Variants in H2BC8 observed in about 807,000 individuals in gnomAD.
The protein encoded by H2BC8 is histone H2B type 1-C/E/F/G/I.
A neutral mutation model predicts 6.3 loss-of-function variants in H2BC8; 11 were observed. That is an observed-to-expected ratio of 1.75 (90% CI 1.10 to 2.89). H2BC8 has a LOEUF of 2.89. Ranked by LOEUF, H2BC8 falls within the 30% of genes most tolerant of loss-of-function variation. The pLI is 0.00. For missense variants in H2BC8, 195 were observed against 165.2 expected (o/e 1.18, Z -0.99); for synonymous variants, 150 against 65.8 (o/e 2.28, Z -6.19).
chr6:26,216,670 A>G lies in H2BC8; in HGVS notation c.-27T>C, dbSNP rs764531428. ...CTGTCAGAAAACAATAACAGCAGTG[A>G]GAATGAACGCACTTAAATAAAAGCT... is the stretch of plus-strand genomic sequence containing the variant. On this transcript the variant is annotated 5_prime_UTR_variant, in exon 1 of 1. Coordinates refer to ENST00000541790, the MANE Select transcript of H2BC8 (RefSeq NM_003518.4). 8 of 1,592,018 alleles carry G rather than the reference A, an allele frequency of 5.0e-6. No homozygotes were observed. The highest frequency in any genetic ancestry group is 6.8e-6 in the Non-Finnish European group (8 of 1,171,378).
Position 26,216,658 on chromosome 6 carries a change from A to G in H2BC8, c.-15T>C, listed in dbSNP as rs777556249. ...GGTTCAGGCATGCTGTCAGAAAACA[A>G]TAACAGCAGTGAGAATGAACGCACT... On this transcript the variant is annotated 5_prime_UTR_variant, in exon 1 of 1. Transcript: ENST00000541790. 55 of 1,602,492 alleles carry G rather than the reference A, an allele frequency of 3.4e-5. No individual in the cohort carries two copies. Among genetic ancestry groups the G allele is most frequent in the Non-Finnish European group, 4.3e-5 (51 of 1,175,538 alleles).
Position 26,216,614 on chromosome 6 carries a change from A to T in H2BC8, c.30T>A (p.Ala10=). 1 of 1,613,998 alleles carries T rather than the reference A, an allele frequency of 6.2e-7. No individual in the cohort carries two copies. Among genetic ancestry groups the T allele is most frequent in the Non-Finnish European group, 8.5e-7 (1 of 1,179,966 alleles). ...CAGCCTTCTTGGAACCCTTCTTCGGAGCAGGAGCTGACTTAGCTGGTTCAG... is the reference window on the plus strand; with the variant it reads ...CAGCCTTCTTGGAACCCTTCTTCGGTGCAGGAGCTGACTTAGCTGGTTCAG... The part of the protein sequence containing the change: MPEPAKSAP[A]PKKGSKKAVT... The change falls in exon 1 of 1, where the codon GCT becomes GCA. Residue 10 remains alanine, a synonymous_variant. Transcript: ENST00000541790.
chr6:26,216,665 C>A lies in H2BC8; in HGVS notation c.-22G>T, dbSNP rs373496387. On this transcript the variant is annotated 5_prime_UTR_variant, in exon 1 of 1. Transcript: ENST00000541790. ...GCATGCTGTCAGAAAACAATAACAG[C>A]AGTGAGAATGAACGCACTTAAATAA... 3.8e-6 allele frequency: 6 copies of A among 1,596,314 alleles called. No individual in the cohort carries two copies. Among genetic ancestry groups the A allele is most frequent in the East Asian group, 2.2e-5 (1 of 44,750 alleles).
rs145524593 is a variant in H2BC8, at chr6:26,216,624, G to A, written c.20C>T (p.Ser7Leu). 6.2e-6 allele frequency: 10 copies of A among 1,613,236 alleles called. No individual in the cohort carries two copies. In the South Asian group the frequency reaches 9.9e-5, roughly 16 times the overall value. MPEPAK[S>L]APAPKKGSKK... is the part of the protein sequence containing the mutation. ...GGAACCCTTCTTCGGAGCAGGAGCT[G>A]ACTTAGCTGGTTCAGGCATGCTGTC... Residue 7 changes from serine to leucine, a missense_variant, in exon 1 of 1, where the codon TCA (serine) becomes TTA (leucine). By Grantham distance (145) the Ser-to-Leu change is moderately radical. Transcript: ENST00000541790.
In H2BC8 at chr6:26,216,243, T is replaced by C; in HGVS notation, c.*20A>G. ...GGCTCTGAAAAGAGCCTTTGAGTTTTAAAGCACCTAAGCACACATTTACTT... is the reference window on the plus strand; with the variant it reads ...GGCTCTGAAAAGAGCCTTTGAGTTTCAAAGCACCTAAGCACACATTTACTT... On this transcript the variant is annotated 3_prime_UTR_variant, in exon 1 of 1. Coordinates refer to ENST00000541790, the MANE Select transcript of H2BC8 (RefSeq NM_003518.4). The C allele has an allele frequency of 1.3e-6, 2 of 1,558,678 alleles. No individual in the cohort carries two copies. Among genetic ancestry groups the C allele is most frequent in the Non-Finnish European group, 1.7e-6 (2 of 1,153,042 alleles).
rs773203416 is a variant in H2BC8, at chr6:26,216,639, G to C, written c.5C>G (p.Pro2Arg). The C allele has an allele frequency of 1.2e-6, 2 of 1,609,860 alleles. No homozygotes were observed. Among genetic ancestry groups the C allele is most frequent in the Non-Finnish European group, 1.7e-6 (2 of 1,178,578 alleles). Residue 2 changes from proline (P) to arginine (R), a missense_variant, in exon 1 of 1, where the codon CCT becomes CGT. Coordinates refer to ENST00000541790, the MANE Select transcript of H2BC8 (RefSeq NM_003518.4). ...AGCAGGAGCTGACTTAGCTGGTTCA[G>C]GCATGCTGTCAGAAAACAATAACAG... is the stretch of plus-strand genomic sequence containing the variant. The part of the protein sequence containing the change: M[P>R]EPAKSAPAPK...
At position 26,216,401 on chromosome 6, in the gene H2BC8, C is replaced by A. The variant is rs777861065; in HGVS notation, c.243G>T (p.Leu81=). Residue 81 remains leucine (L), a synonymous_variant, in exon 1 of 1, where the codon CTG becomes CTT. Coordinates refer to ENST00000541790, the MANE Select transcript of H2BC8 (RefSeq NM_003518.4). The stretch of plus-strand genomic sequence containing the variant: ...TGGTCGAGCGCTTGTTGTAGTGGGC[C>A]AGACGGGAAGCCTCGCCTGCGATGC... ...FERIAGEASR[L]AHYNKRSTIT... 3 of 1,614,088 alleles carry A rather than the reference C, an allele frequency of 1.9e-6. No individual in the cohort carries two copies. The highest frequency in any genetic ancestry group is 2.5e-6 in the Non-Finnish European group (3 of 1,180,020).
Sources: allele counts gnomAD v4.1 joint callset, GRCh38; gene constraint gnomAD v4.1.1; transcripts MANE v1.5; gene names NCBI Gene and HGNC (gene_info 2026-07-23, HGNC 2026-07-21).